BANK1: variants seen among roughly 807,000 people sequenced by gnomAD.
The protein encoded by BANK1 is B-cell scaffold protein with ankyrin repeats.
In BANK1, 95 loss-of-function variants were observed where a neutral mutation model predicts 94.5. The observed-to-expected ratio is 1.00, with a 90% CI of 0.85 to 1.19. BANK1 has a LOEUF of 1.19. BANK1 is among the 50% of genes most tolerant of loss of function. BANK1 has a pLI of 0.00. For missense variants in BANK1, 987 were observed against 932.2 expected (o/e 1.06, Z -0.77); for synonymous variants, 334 against 308.4 (o/e 1.08, Z -0.87).
chr4:102,031,828 G>A (rs1727326672), intron 10 of BANK1, among the ~76,000 whole-genome samples: 2 of 152,272 alleles, frequency 1.3e-5, no homozygotes, highest in South Asian at 2.1e-4. Context: ...TAAGCTGCAT[G>A]TATGTATTAA....
chr4:101,799,305 T>C (rs1223286030), intron 1 of BANK1, among the ~76,000 whole-genome samples: 3 of 152,212 alleles, frequency 2.0e-5, no homozygotes, highest in African/African-American at 7.2e-5. Flanking sequence ...GGCTCTGTTC[T>C]GTTCCATTGG....
At chr4:101,816,557 CTT>C (rs34692783) in intron 1 of BANK1, among the ~76,000 whole-genome samples, 7 of 138,598 alleles carry the variant, frequency 5.1e-5, no homozygotes, top group African/African-American at 5.3e-5. Flanking sequence ...TGCCATGCTT[CTT>C]TTTTTTTTTT....
intron 7 of BANK1, among the ~76,000 whole-genome samples, chr4:102,013,905 G>A (rs1281358063): frequency 6.6e-6 from 1 of 151,996 alleles, no homozygotes; most frequent in Admixed American, 6.6e-5. Context: ...ATTTTCGAGT[G>A]TTTTCTATGT....
chr4:102,057,366 CTCTT>C (rs1221315907), intron 11 of BANK1, among the ~76,000 whole-genome samples: 1 of 113,980 alleles, frequency 8.8e-6, no homozygotes, highest in Non-Finnish European at 1.7e-5. Context: ...CTCTCTCTCT[CTCTT>C]TTTTTTTCTT....
In BANK1 at chr4:101,839,936, AATTTTTTTTTTTTTTTT is replaced by A. The variant is rs1726968786; in HGVS notation, c.469+9731_469+9747del. Among the ~76,000 whole-genome samples, 14 of 78,976 alleles carry A rather than the reference AATTTTTTTTTTTTTTTT, an allele frequency of 1.8e-4. No individual in the cohort carries two copies. The South Asian group carries it at 3.5e-3, about 20-fold the overall frequency. The allele number at this position is 78,976 out of a possible 152,430, so 51.8% of individuals were successfully genotyped here. On this transcript the variant is annotated intron_variant, in intron 2 of 16. Transcript: ENST00000322953. ...AGCTACTATATAATTTCAAATATTT[AATTTTTTTTTTTTTTTT>A]TTTTTTTTTTTTTTTTTTTTTTTTT... is the stretch of plus-strand genomic sequence containing the variant.
At chr4:101,949,376 A>G (rs1250803590) in intron 7 of BANK1, among the ~76,000 whole-genome samples, 4 of 152,100 alleles carry the variant, frequency 2.6e-5, no homozygotes, top group Non-Finnish European at 5.9e-5. Context: ...GGGGACTACA[A>G]AGTTACAAGA....
At chr4:101,913,328 A>G (rs1418669006) in intron 6 of BANK1, among the ~76,000 whole-genome samples, 5 of 152,208 alleles carry the variant, frequency 3.3e-5, no homozygotes, top group Non-Finnish European at 7.3e-5. Context: ...ATAAACAGGA[A>G]ACTGTCCAGC....
rs546394963 is a variant in BANK1, at chr4:101,884,469, T to C, written c.904-10836T>C. On this transcript the variant is annotated intron_variant, in intron 5 of 16. Coordinates refer to ENST00000322953, the MANE Select transcript of BANK1 (RefSeq NM_017935.5). Reference sequence around the variant, plus strand: ...TTTCTTCATTCTGTTACCTATAAAATAAAGTTACTAATTGATCAAGTTTTG... The same window carrying C: ...TTTCTTCATTCTGTTACCTATAAAACAAAGTTACTAATTGATCAAGTTTTG... Among the ~76,000 whole-genome samples the C allele has an allele frequency of 2.6e-5, 4 of 152,206 alleles. 1 individual carries two copies. The highest frequency in any genetic ancestry group is 4.4e-5 in the Non-Finnish European group (3 of 68,028).
At chr4:102,061,007 C>CG in intron 12 of BANK1, among the ~76,000 whole-genome samples, 1 of 152,240 alleles carries the variant, frequency 6.6e-6, no homozygotes, top group Non-Finnish European at 1.5e-5. Flanking sequence ...AGAGATAACA[C>CG]GGTCATATTC....
chr4:101,949,424 C>G (rs772751611), intron 7 of BANK1, among the ~76,000 whole-genome samples: 22 of 152,054 alleles, frequency 1.4e-4, no homozygotes, highest in Non-Finnish European at 3.1e-4. Context: ...AATTAGAACC[C>G]TAATGCAGTC....
chr4:101,971,132 C>T (rs960817773), intron 7 of BANK1, among the ~76,000 whole-genome samples: 95 of 152,136 alleles, frequency 6.2e-4, no homozygotes, highest in African/African-American at 3.4e-4. Flanking sequence ...TGATAAACTT[C>T]GAGCTTTCTC....
At chr4:101,947,903 C>T (rs1025308859) in intron 7 of BANK1, among the ~76,000 whole-genome samples, 1 of 151,948 alleles carries the variant, frequency 6.6e-6, no homozygotes, top group South Asian at 2.1e-4. Context: ...TTGAAAATCT[C>T]CTGAGACTGA....
chr4:101,869,316 A>G (rs1728193694), intron 4 of BANK1, among the ~76,000 whole-genome samples: 1 of 151,922 alleles, frequency 6.6e-6, no homozygotes, highest in Non-Finnish European at 1.5e-5. Context: ...AACTTCCATT[A>G]CCATATGCGT....
intron 13 of BANK1, among the ~76,000 whole-genome samples, chr4:102,065,450 A>T (rs1728560243): frequency 6.6e-6 from 1 of 152,222 alleles, no homozygotes; most frequent in South Asian, 2.1e-4. Context: ...TACTAAAACG[A>T]GAACTACCGT....
rs1322128290 is a variant in BANK1, at chr4:102,007,092, A to ATATATTTATATATATATATATATTATAT, written c.1207-14422_1207-14421insTATATTTATATATATATATATATTATAT. 1.7e-3 allele frequency among the ~76,000 whole-genome samples: 141 copies of ATATATTTATATATATATATATATTATAT among 82,286 alleles called. 6 individuals are homozygous for ATATATTTATATATATATATATATTATAT. The highest frequency in any genetic ancestry group is 5.6e-3 in the African/African-American group (135 of 23,960). 54.0% of individuals were successfully genotyped at this position (82,286 alleles called of 152,430 possible). On this transcript the variant is annotated intron_variant, in intron 7 of 16. Transcript: ENST00000322953. ...TTTATATATATATAAATATATATAT[A>ATATATTTATATATATATATATATTATAT]ATATATTTATATATATATAAATATA...
At chr4:101,835,968 G>T (rs1220541070) in intron 2 of BANK1, among the ~76,000 whole-genome samples, 1 of 151,918 alleles carries the variant, frequency 6.6e-6, no homozygotes, top group Non-Finnish European at 1.5e-5. Flanking sequence ...CATATTTTCA[G>T]TTGAAATCTC....
intron 8 of BANK1, among the ~76,000 whole-genome samples, chr4:102,022,725 C>A (rs1043423034): frequency 1.3e-5 from 2 of 152,156 alleles, no homozygotes; most frequent in Non-Finnish European, 2.9e-5. Flanking sequence ...AAACACCTTT[C>A]ATGAAGGACT....
Position 102,072,993 on chromosome 4 carries a change from C to T in BANK1, c.2298+593C>T, listed in dbSNP as rs147952630. Among the ~76,000 whole-genome samples, 995 of 152,064 alleles carry T rather than the reference C, an allele frequency of 6.5e-3. 7 individuals carry two copies. The highest frequency in any genetic ancestry group is 0.023 in the African/African-American group (947 of 41,494). ...CTGCATATATAATGTAACACACTTGCGCTGCTACCAAGAGTCATGTAGCAG... is the reference window on the plus strand; with the variant it reads ...CTGCATATATAATGTAACACACTTGTGCTGCTACCAAGAGTCATGTAGCAG... On this transcript the variant is annotated intron_variant, in intron 15 of 16. Coordinates refer to ENST00000322953, the MANE Select transcript of BANK1 (RefSeq NM_017935.5).
chr4:101,973,904 C>G (rs934805980), intron 7 of BANK1, among the ~76,000 whole-genome samples: 2 of 152,000 alleles, frequency 1.3e-5, no homozygotes, highest in Non-Finnish European at 2.9e-5. Context: ...TCCTAACTAG[C>G]TACTGAATTT....
Sources: gnomAD v4.1 joint callset for allele counts (sites outside exome capture counted in the v4.1 genomes callset) on GRCh38, gnomAD v4.1.1 for gene constraint, MANE v1.5 for transcripts, NCBI Gene and HGNC (gene_info 2026-07-23, HGNC 2026-07-21) for gene names.